Variants in C1orf115 observed in about 807,000 individuals in gnomAD.
The protein encoded by C1orf115 is required for drug-induced death protein 1.
A neutral mutation model predicts 12.5 loss-of-function variants in C1orf115; 14 were observed. That is an observed-to-expected ratio of 1.12 (90% CI 0.74 to 1.75). The LOEUF is 1.75. Ranked by LOEUF, C1orf115 falls within the 40% of genes most tolerant of loss-of-function variation. The pLI is 0.00. For missense variants in C1orf115, 237 were observed against 220.8 expected (o/e 1.07, Z -0.46); for synonymous variants, 109 against 104.6 (o/e 1.04, Z -0.26).
At chr1:220,694,028 T>C (rs934627455) in intron 1 of C1orf115, among the ~76,000 whole-genome samples, 3 of 136,878 alleles carry the variant, frequency 2.2e-5, no homozygotes, top group African/African-American at 5.6e-5. Flanking sequence ...TGCAGTGAGC[T>C]GAGATCGCGC....
Position 220,690,659 on chromosome 1 carries a change from C to T in C1orf115, c.257C>T (p.Pro86Leu), listed in dbSNP as rs769418928. The T allele has an allele frequency of 1.4e-5, 23 of 1,593,022 alleles. No individual in the cohort carries two copies. In the African/African-American group the frequency reaches 3.0e-4, roughly 21 times the overall value. ...TACGAGCCACTGGAGGAGCCGGCGC[C>T]GAGCGAGCAGCCCAGGAAGAGGTAC... The part of the protein sequence containing the change: ...ERYEPLEEPA[P>L]SEQPRKRYRR... Residue 86 changes from proline (P) to leucine (L), a missense_variant, in exon 1 of 2, where the codon CCG (proline) becomes CTG (leucine). By Grantham distance (98) the Pro-to-Leu change is moderately conservative. Transcript: ENST00000294889.
chr1:220,696,642 C>A lies in C1orf115; in HGVS notation c.340C>A (p.Arg114Ser), dbSNP rs753438102. ...CGGGAAGGTCATCATCAAAGGATGC[C>A]GCTACGTGGTCATCGGCCTGCAAGG... is the stretch of plus-strand genomic sequence containing the variant. ...NVGKVIIKGC[R>S]YVVIGLQGFA... Residue 114 changes from arginine to serine, a missense_variant, in exon 2 of 2, where the codon CGC becomes AGC. By Grantham distance (110) the Arg-to-Ser change is moderately radical. Transcript: ENST00000294889. The A allele has an allele frequency of 3.1e-6, 5 of 1,595,708 alleles. No homozygotes were observed.
intron 1 of C1orf115, among the ~76,000 whole-genome samples, chr1:220,694,006 G>A (rs1343061391): frequency 6.6e-6 from 1 of 151,068 alleles, no homozygotes; most frequent in Admixed American, 6.6e-5. Context: ...CTTGAACCTG[G>A]GAGGTGGAGG....
rs1670077178 is a variant in C1orf115, at chr1:220,690,372, C to G, written c.-31C>G. On this transcript the variant is annotated 5_prime_UTR_variant, in exon 1 of 2. Transcript: ENST00000294889. The stretch of plus-strand genomic sequence containing the variant: ...GGGACCAAAGGTTGGTGTCTTTGCG[C>G]TCGGACCTTCGCCAGAGGGGCCGGG... 7.3e-7 allele frequency: 1 copy of G among 1,377,874 alleles called. No homozygotes were observed. Among genetic ancestry groups the G allele is most frequent in the Non-Finnish European group, 9.3e-7 (1 of 1,072,692 alleles). The allele number at this position is 1,377,874 out of a possible 1,614,324, so 85.4% of individuals were successfully genotyped here.
chr1:220,693,743 C>T (rs1011048929), intron 1 of C1orf115, among the ~76,000 whole-genome samples: 1 of 152,164 alleles, frequency 6.6e-6, no homozygotes. Flanking sequence ...AACAGAGTCC[C>T]TGCCCTCCTT....
chr1:220,691,592 C>G (rs1005663192), intron 1 of C1orf115, among the ~76,000 whole-genome samples: 20 of 152,186 alleles, frequency 1.3e-4, no homozygotes, highest in Non-Finnish European at 2.4e-4. Flanking sequence ...GTTTATCATC[C>G]TCTTTAAAGG....
intron 1 of C1orf115, 101 bp downstream of exon 1, chr1:220,690,812 G>A (rs1670091446): frequency 7.4e-7 from 1 of 1,359,160 alleles, no homozygotes; most frequent in Admixed American, 2.6e-5. Context: ...GTTTCTCCGG[G>A]CTGCACCTGC....
In C1orf115 at chr1:220,696,652, T is replaced by C; in HGVS notation, c.350T>C (p.Val117Ala). The C allele has an allele frequency of 6.2e-7, 1 of 1,601,830 alleles. No individual in the cohort carries two copies. The highest frequency in any genetic ancestry group is 8.5e-7 in the Non-Finnish European group (1 of 1,169,754). ...KVIIKGCRYV[V>A]IGLQGFAAAY... ...ATCATCAAAGGATGCCGCTACGTGG[T>C]CATCGGCCTGCAAGGCTTCGCTGCA... The change falls in exon 2 of 2, where the codon GTC (valine) becomes GCC (alanine). Residue 117 changes from valine (V) to alanine (A), a missense_variant. By Grantham distance (64) the Val-to-Ala change is moderately conservative (BLOSUM62 0). Transcript: ENST00000294889.
intron 1 of C1orf115, among the ~76,000 whole-genome samples, chr1:220,693,423 CTT>C (rs1376489968): frequency 6.6e-6 from 1 of 152,202 alleles, no homozygotes; most frequent in African/African-American, 2.4e-5. Flanking sequence ...ATGGATCACT[CTT>C]GATTGTTAAG....
Position 220,690,441 on chromosome 1 carries a change from C to T in C1orf115, c.39C>T (p.Ser13=). The part of the protein sequence containing the change: ...VGARLRSKAE[S]SLLRRGPRGR... The stretch of plus-strand genomic sequence containing the variant: ...CCAGGCTCCGAAGCAAGGCGGAGAG[C>T]AGCCTCCTGCGCCGCGGGCCCCGAG... The change falls in exon 1 of 2, where the codon AGC becomes AGT. Residue 13 remains serine, a synonymous_variant. Transcript: ENST00000294889. 1 of 1,445,462 alleles carries T rather than the reference C, an allele frequency of 6.9e-7. No homozygotes were observed. The allele number at this position is 1,445,462 out of a possible 1,614,324, so 89.5% of individuals were successfully genotyped here.
chr1:220,691,982 C>A (rs1358517608), intron 1 of C1orf115, among the ~76,000 whole-genome samples: 3 of 152,196 alleles, frequency 2.0e-5, no homozygotes, highest in African/African-American at 7.2e-5. Flanking sequence ...CAGCGGTGAG[C>A]TTGTAAACTC....
intron 1 of C1orf115, among the ~76,000 whole-genome samples, chr1:220,695,843 A>G (rs1670185720): frequency 6.6e-6 from 1 of 152,152 alleles, no homozygotes; most frequent in African/African-American, 2.4e-5. Context: ...GTGATGACAG[A>G]AGTTGAGGTA....
rs538020143 is a variant in C1orf115 at position 220,690,724 on chromosome 1, C to A, written c.309+13C>A. ...GAAGTACGGCAAGGTAGGGGCCCTG[C>A]GCCACCACTGCCCGGGGGGCGCGGG... On this transcript the variant is annotated intron_variant, in intron 1 of 1. Transcript: ENST00000294889. 6 of 1,571,546 alleles carry A rather than the reference C, an allele frequency of 3.8e-6. No individual in the cohort carries two copies. Among genetic ancestry groups the A allele is most frequent in the Non-Finnish European group, 4.3e-6 (5 of 1,160,666 alleles).
At chr1:220,694,703 T>C (rs978340291) in intron 1 of C1orf115, among the ~76,000 whole-genome samples, 16 of 152,190 alleles carry the variant, frequency 1.1e-4, no homozygotes, top group African/African-American at 3.6e-4. Flanking sequence ...GGAGAGTGCA[T>C]GCCAGAGGAA....
rs1353529895 is a variant in C1orf115, at chr1:220,696,732, T to C, written c.*1T>C. The C allele has an allele frequency of 6.3e-7, 1 of 1,581,494 alleles. No homozygotes were observed. Among genetic ancestry groups the C allele is most frequent in the Admixed American group, 1.7e-5 (1 of 59,442 alleles). On this transcript the variant is annotated 3_prime_UTR_variant, in exon 2 of 2. Coordinates refer to ENST00000294889, the MANE Select transcript of C1orf115 (RefSeq NM_024709.5). ...CAGCGTGGTATCCTTCGTGCGCTAA[T>C]GGGAGCTGCTGTGGCAGGTGCCCCC...
rs534642873 is a variant in C1orf115 at position 220,694,959 on chromosome 1, T to C, written c.310-1653T>C. 1.4e-4 allele frequency among the ~76,000 whole-genome samples: 21 copies of C among 152,242 alleles called. No homozygotes were observed. In the South Asian group the frequency reaches 4.2e-3, roughly 30 times the overall value. Reference sequence around the variant, plus strand: ...GAAAGCTGAGGAGGAGCTCCCTATTTAGGTAGGGGAGAACTAAGAATATGG... The same window carrying C: ...GAAAGCTGAGGAGGAGCTCCCTATTCAGGTAGGGGAGAACTAAGAATATGG... On this transcript the variant is annotated intron_variant, in intron 1 of 1. Transcript: ENST00000294889.
Position 220,696,965 on chromosome 1 carries a change from G to T in C1orf115, c.*234G>T. On this transcript the variant is annotated 3_prime_UTR_variant, in exon 2 of 2. Transcript: ENST00000294889. ...TGGTCAATCCTGCAGAGAATTCGGC[G>T]GAGGTTAGGTTTGGGAGTGGAGCTA... The T allele has an allele frequency of 2.3e-6, 1 of 443,384 alleles. No homozygotes were observed. The highest frequency in any genetic ancestry group is 3.7e-6 in the Non-Finnish European group (1 of 272,136). 27.5% of individuals were successfully genotyped at this position (443,384 alleles called of 1,614,324 possible). A position where few individuals can be genotyped will look rare whatever the true frequency, so the allele number is the denominator to read the frequency against.
chr1:220,694,262 G>A lies in C1orf115; in HGVS notation c.310-2350G>A, dbSNP rs149790970. On this transcript the variant is annotated intron_variant, in intron 1 of 1. Coordinates refer to ENST00000294889, the MANE Select transcript of C1orf115 (RefSeq NM_024709.5). ...AGCAGTAATAATAGCTGACATTGGGGGGCACTTATACTGCCTGCAGTTTGT... is the reference window on the plus strand; with the variant it reads ...AGCAGTAATAATAGCTGACATTGGGAGGCACTTATACTGCCTGCAGTTTGT... Among the ~76,000 whole-genome samples the A allele has an allele frequency of 8.5e-3, 1,294 of 152,192 alleles. 15 individuals carry two copies. Among genetic ancestry groups the A allele is most frequent in the African/African-American group, 0.028 (1,182 of 41,510 alleles).
At chr1:220,695,900 G>A (rs1325971726) in intron 1 of C1orf115, among the ~76,000 whole-genome samples, 1 of 152,126 alleles carries the variant, frequency 6.6e-6, no homozygotes, top group East Asian at 1.9e-4. Context: ...TTTGGTGGTG[G>A]TGGTGGTAAT....
Sources: allele counts gnomAD v4.1 joint callset (sites outside exome capture counted in the v4.1 genomes callset), GRCh38; gene constraint gnomAD v4.1.1; transcripts MANE v1.5; gene names NCBI Gene and HGNC (gene_info 2026-07-23, HGNC 2026-07-21).